Variants in UNC5C observed in about 807,000 individuals in gnomAD.
UNC5C encodes netrin receptor UNC5C.
A neutral mutation model predicts 99.8 loss-of-function variants in UNC5C; 47 were observed. The ratio of observed to expected loss-of-function variants is 0.47; its 90% CI spans 0.37 to 0.60. The LOEUF (loss-of-function observed/expected upper bound fraction) is 0.60. Among genes scored for constraint, UNC5C ranks in the 20% least tolerant of loss-of-function variants. The probability of loss-of-function intolerance (pLI) is 0.00; values close to 1 mark genes in which losing one functional copy is unlikely to be tolerated. For synonymous variants in UNC5C, 487 were observed against 452.2 expected, an observed-to-expected ratio of 1.08 and a Z score of -0.98; for missense variants, 1,062 against 1,165.9, an observed-to-expected ratio of 0.91 and a Z score of 1.30.
intron 2 of UNC5C, among the ~76,000 whole-genome samples, chr4:95,317,672 C>G (rs1040973660): frequency 2.0e-5 from 3 of 152,122 alleles, no homozygotes; most frequent in African/African-American, 7.2e-5. Flanking sequence ...CTCTTCCTGT[C>G]TCTGGCCCCG....
chr4:95,200,838 G>T (rs1336906471), intron 12 of UNC5C, among the ~76,000 whole-genome samples: 1 of 152,116 alleles, frequency 6.6e-6, no homozygotes, highest in Non-Finnish European at 1.5e-5. Context: ...AAAAGGCACA[G>T]TCACTGTTAT....
chr4:95,180,167 C>T (rs987581450), intron 14 of UNC5C, among the ~76,000 whole-genome samples: 1 of 152,116 alleles, frequency 6.6e-6, no homozygotes, highest in African/African-American at 2.4e-5. Flanking sequence ...CATTTAATTC[C>T]CACACTGGCC....
chr4:95,359,925 A>G (rs546022428), intron 1 of UNC5C, among the ~76,000 whole-genome samples: 2 of 152,288 alleles, frequency 1.3e-5, no homozygotes, highest in South Asian at 2.1e-4. Flanking sequence ...ACCGTGGGTA[A>G]TATCATTACT....
At chr4:95,339,188 A>G (rs1016249311) in intron 1 of UNC5C, among the ~76,000 whole-genome samples, 2 of 152,086 alleles carry the variant, frequency 1.3e-5, no homozygotes, top group African/African-American at 4.8e-5. Context: ...GCTCATATCA[A>G]TTCTCTAAGC....
chr4:95,315,285 A>T (rs1742432033), intron 2 of UNC5C, among the ~76,000 whole-genome samples: 1 of 152,196 alleles, frequency 6.6e-6, no homozygotes, highest in Admixed American at 6.5e-5. Flanking sequence ...AACATGTTAG[A>T]ATGGTACATT....
At chr4:95,499,471 A>G (rs1175230930) in intron 1 of UNC5C, among the ~76,000 whole-genome samples, 2 of 152,056 alleles carry the variant, frequency 1.3e-5, no homozygotes, top group African/African-American at 4.8e-5. Flanking sequence ...ATTCTGGGAG[A>G]AGTGGCAAGG....
chr4:95,354,468 C>CATATATATATATATATATATATATAT (rs1553965986), intron 1 of UNC5C, among the ~76,000 whole-genome samples: 4 of 98,216 alleles, frequency 4.1e-5, no homozygotes, highest in African/African-American at 2.5e-4. Context: ...CTAACTCTTC[C>CATATATATATATATATATATATATAT]ATATATATAT....
chr4:95,474,539 C>T (rs890259174), intron 1 of UNC5C, among the ~76,000 whole-genome samples: 3 of 152,012 alleles, frequency 2.0e-5, no homozygotes, highest in East Asian at 3.9e-4. Context: ...ATCTACGCCT[C>T]GGCCTCCCAA....
chr4:95,288,362 C>A (rs560103785), intron 3 of UNC5C, among the ~76,000 whole-genome samples: 1 of 152,104 alleles, frequency 6.6e-6, no homozygotes, highest in South Asian at 2.1e-4. Flanking sequence ...GGATTACAGG[C>A]GTGAGCCACC....
chr4:95,542,625 T>C (rs1722947857), intron 1 of UNC5C, among the ~76,000 whole-genome samples: 1 of 152,162 alleles, frequency 6.6e-6, no homozygotes, highest in South Asian at 2.1e-4. Flanking sequence ...GGAGCAGCAA[T>C]GCTCAAAACA....
chr4:95,322,937 C>CA (rs34082198), intron 2 of UNC5C, among the ~76,000 whole-genome samples: 2,841 of 89,540 alleles, frequency 0.032, 80 homozygotes, highest in African/African-American at 0.084. Flanking sequence ...GATTCTGTCT[C>CA]AAAAAAAAAA....
Position 95,548,862 on chromosome 4 carries a change from G to T in UNC5C, c.-5C>A. 6.2e-7 allele frequency: 1 copy of T among 1,612,792 alleles called. No homozygotes were observed. On this transcript the variant is annotated 5_prime_UTR_variant, in exon 1 of 16. Coordinates refer to ENST00000453304, the MANE Select transcript of UNC5C (RefSeq NM_003728.4). ...CGCCCGCAGACCTTTCCTCATCGTA[G>T]ACAGAGGTGTGCCGGGGGGAGGGGA...
intron 13 of UNC5C, among the ~76,000 whole-genome samples, chr4:95,183,560 G>A (rs1428044172): frequency 6.6e-6 from 1 of 152,150 alleles, no homozygotes; most frequent in Non-Finnish European, 1.5e-5. Context: ...GACAGGGGAA[G>A]CCAAAACCCA....
intron 1 of UNC5C, among the ~76,000 whole-genome samples, chr4:95,470,636 A>G (rs1401165045): frequency 6.6e-6 from 1 of 152,174 alleles, no homozygotes; most frequent in African/African-American, 2.4e-5. Context: ...AGCGTGAACA[A>G]AGTGCACACT....
At chr4:95,430,300 A>G (rs1262546962) in intron 1 of UNC5C, among the ~76,000 whole-genome samples, 1 of 152,074 alleles carries the variant, frequency 6.6e-6, no homozygotes, top group Non-Finnish European at 1.5e-5. Context: ...CTCTCTCTCA[A>G]ATTTGCTGTG....
chr4:95,205,409 G>A (rs1335786280), intron 11 of UNC5C, among the ~76,000 whole-genome samples: 2 of 151,992 alleles, frequency 1.3e-5, no homozygotes, highest in Non-Finnish European at 2.9e-5. Context: ...TATTATGTAC[G>A]CTTCGGCAAG....
intron 1 of UNC5C, among the ~76,000 whole-genome samples, chr4:95,546,626 G>C (rs1723076532): frequency 6.6e-6 from 1 of 152,164 alleles, no homozygotes; most frequent in African/African-American, 2.4e-5. Flanking sequence ...ACACCCAACG[G>C]AGTACATTTT....
At chr4:95,500,219 G>A (rs546275908) in intron 1 of UNC5C, among the ~76,000 whole-genome samples, 4 of 151,982 alleles carry the variant, frequency 2.6e-5, no homozygotes, top group African/African-American at 9.6e-5. Flanking sequence ...TTCATTCTTA[G>A]CACCTTATCA....
At chr4:95,419,234 A>T (rs980788098) in intron 1 of UNC5C, among the ~76,000 whole-genome samples, 1 of 152,122 alleles carries the variant, frequency 6.6e-6, no homozygotes, top group Non-Finnish European at 1.5e-5. Flanking sequence ...TCAGTTTTGT[A>T]TCAGGGAAGT....
Sources: allele counts gnomAD v4.1 joint callset (sites outside exome capture counted in the v4.1 genomes callset), GRCh38; gene constraint gnomAD v4.1.1; transcripts MANE v1.5; gene names NCBI Gene and HGNC (gene_info 2026-07-23, HGNC 2026-07-21).